Variants in IKZF1 observed in about 807,000 individuals in gnomAD.
IKZF1 encodes the protein DNA-binding protein Ikaros.
A neutral mutation model predicts 51.7 loss-of-function variants in IKZF1; 10 were observed. That is an observed-to-expected ratio of 0.19 (90% CI 0.12 to 0.33). The LOEUF (loss-of-function observed/expected upper bound fraction) is 0.33, where lower values mean the gene tolerates loss of function less well. Ranked by LOEUF, IKZF1 falls within the 10% of genes least tolerant of loss-of-function variation. The pLI, the probability that IKZF1 is intolerant of heterozygous loss-of-function variation, is 1.00. For missense variants in IKZF1, 484 were observed against 707.5 expected (o/e 0.68, Z 3.58); for synonymous variants, 280 against 282.3 (o/e 0.99, Z 0.08).
intron 3 of IKZF1, among the ~76,000 whole-genome samples, chr7:50,361,691 C>T (rs1213199677): frequency 6.6e-6 from 1 of 152,202 alleles, no homozygotes; most frequent in East Asian, 1.9e-4. Context: ...TCCTGACCAA[C>T]ATGGTGAAAC....
At chr7:50,399,569 A>C (rs1817589693) in intron 7 of IKZF1, among the ~76,000 whole-genome samples, 1 of 152,194 alleles carries the variant, frequency 6.6e-6, no homozygotes, top group Admixed American at 6.5e-5. Flanking sequence ...CAAATACACT[A>C]TTTAAAATAT....
chr7:50,392,768 AAT>A (rs948945614), intron 7 of IKZF1, among the ~76,000 whole-genome samples: 105 of 152,328 alleles, frequency 6.9e-4, no homozygotes, highest in African/African-American at 2.4e-3. Flanking sequence ...TTGGAAGAGG[AAT>A]AGAGTTTCAG....
intron 3 of IKZF1, chr7:50,368,732 A>G: frequency 4.0e-6 from 1 of 250,548 alleles, no homozygotes; most frequent in Non-Finnish European, 7.7e-6. Context: ...TACTTTAAAG[A>G]ACAGAGAGTG....
At chr7:50,335,736 G>A (rs1243831272) in intron 3 of IKZF1, among the ~76,000 whole-genome samples, 5 of 151,574 alleles carry the variant, frequency 3.3e-5, no homozygotes, top group East Asian at 1.9e-4. Flanking sequence ...TATGGGATGT[G>A]TGGTGTGTAT....
chr7:50,393,279 A>C (rs552831489), intron 7 of IKZF1, among the ~76,000 whole-genome samples: 1 of 152,240 alleles, frequency 6.6e-6, no homozygotes, highest in South Asian at 2.1e-4. Flanking sequence ...AGGTTCTAGG[A>C]AAAGATGGGG....
intron 3 of IKZF1, among the ~76,000 whole-genome samples, chr7:50,373,554 G>A (rs10265042): frequency 0.19 from 29,239 of 152,042 alleles, 3,091 homozygotes; most frequent in African/African-American, 0.27. Context: ...CTACACCTTC[G>A]CTATAGCCCT....
In IKZF1 at chr7:50,380,640, C is replaced by T. The variant is rs1197468859; in HGVS notation, c.422-1900C>T. Among the ~76,000 whole-genome samples the T allele has an allele frequency of 3.3e-5, 5 of 152,236 alleles. 1 individual carries two copies. The highest frequency in any genetic ancestry group is 7.3e-5 in the Non-Finnish European group (5 of 68,044). ...ACATGAGCTTTCTCCTGAGAGGCCA[C>T]CCTGTCCAAATGAGAGCTGTAGTTG... is the stretch of plus-strand genomic sequence containing the variant. On this transcript the variant is annotated intron_variant, in intron 4 of 7. Transcript: ENST00000331340.
Position 50,400,325 on chromosome 7 carries a change from CCG to C in IKZF1, c.1260_1261del (p.His421ArgfsTer67), listed in dbSNP as rs1316879434. 2.5e-6 allele frequency: 4 copies of C among 1,613,046 alleles called. No homozygotes were observed. Among genetic ancestry groups the C allele is most frequent in the Non-Finnish European group, 3.4e-6 (4 of 1,179,720 alleles). ...GLIYLTNHIA[P>X]HARNGLSLKE... is the part of the protein sequence containing the mutation. ...CATCTACCTGACCAACCACATCGCC[CCG>C]CACGCGCGCAACGGGCTGTCGCTCA... is the stretch of plus-strand genomic sequence containing the variant. On this transcript the variant is annotated frameshift_variant, in exon 8 of 8. Coordinates refer to ENST00000331340, the MANE Select transcript of IKZF1 (RefSeq NM_006060.6). LOFTEE classifies it high-confidence loss of function. The surrounding 1 kb of genome is among the most constrained non-coding windows in gnomAD (Gnocchi z 5.4).
intron 4 of IKZF1, among the ~76,000 whole-genome samples, chr7:50,380,477 A>T (rs1214323798): frequency 6.6e-6 from 1 of 151,542 alleles, no homozygotes; most frequent in Non-Finnish European, 1.5e-5. Flanking sequence ...GAGACATGGG[A>T]CTCCAGCACC....
intron 3 of IKZF1, among the ~76,000 whole-genome samples, chr7:50,359,592 T>C (rs575868012): frequency 2.0e-5 from 3 of 152,364 alleles, no homozygotes; most frequent in East Asian, 3.9e-4. Flanking sequence ...GCTGCCTTTT[T>C]AAATATATGT....
At chr7:50,387,540 T>A in intron 6 of IKZF1, 70 bp downstream of exon 6, 1 of 1,520,892 alleles carries the variant, frequency 6.6e-7, no homozygotes. Flanking sequence ...GAGGGCGCTC[T>A]GCATGCAGCC....
intron 1 of IKZF1, among the ~76,000 whole-genome samples, chr7:50,309,993 T>C (rs1380930039): frequency 6.6e-6 from 1 of 152,316 alleles, no homozygotes; most frequent in Non-Finnish European, 1.5e-5. Flanking sequence ...TTCCTCCTCC[T>C]TTGTGCTGAG....
rs76642098 is a variant in IKZF1 at position 50,385,413 on chromosome 7, G to A, written c.590-1932G>A. Among the ~76,000 whole-genome samples, 19 of 152,332 alleles carry A rather than the reference G, an allele frequency of 1.2e-4. No individual in the cohort carries two copies. The East Asian group carries it at 3.3e-3, about 26-fold the overall frequency. ...AACTGGTGGTGGCCTGAGGTCTTATGAACTAGCATGTTAGCAGGGATAGAG... is the reference window on the plus strand; with the variant it reads ...AACTGGTGGTGGCCTGAGGTCTTATAAACTAGCATGTTAGCAGGGATAGAG... On this transcript the variant is annotated intron_variant, in intron 5 of 7. Transcript: ENST00000331340.
intron 3 of IKZF1, among the ~76,000 whole-genome samples, chr7:50,344,686 C>T (rs1019288740): frequency 1.3e-5 from 2 of 152,236 alleles, no homozygotes; most frequent in East Asian, 1.9e-4. Context: ...AATTGCTTCA[C>T]GATCACATAA....
At chr7:50,310,837 T>G (rs1789992034) in intron 1 of IKZF1, among the ~76,000 whole-genome samples, 1 of 152,192 alleles carries the variant, frequency 6.6e-6, no homozygotes, top group Non-Finnish European at 1.5e-5. Flanking sequence ...ACCAAGCCAT[T>G]GATGCTTCTA....
intron 3 of IKZF1, among the ~76,000 whole-genome samples, chr7:50,353,638 T>C (rs1056156911): frequency 2.0e-5 from 3 of 152,156 alleles, no homozygotes; most frequent in Non-Finnish European, 4.4e-5. Context: ...CCCGAGGCTG[T>C]GAAGAGCCCA....
At chr7:50,353,631 G>A (rs1426228216) in intron 3 of IKZF1, among the ~76,000 whole-genome samples, 3 of 152,190 alleles carry the variant, frequency 2.0e-5, no homozygotes, top group Non-Finnish European at 2.9e-5. Context: ...GTCAGCCCCC[G>A]AGGCTGTGAA....
chr7:50,373,530 C>T lies in IKZF1; in HGVS notation c.161-3003C>T, dbSNP rs528855138. ...CTGCGTGGTGTCCTTTTTCTAGCCTCGGAAGCACTAGGCCTACACCTTCGC... is the reference window on the plus strand; with the variant it reads ...CTGCGTGGTGTCCTTTTTCTAGCCTTGGAAGCACTAGGCCTACACCTTCGC... On this transcript the variant is annotated intron_variant, in intron 3 of 7. Transcript: ENST00000331340. Among the ~76,000 whole-genome samples the T allele has an allele frequency of 1.2e-4, 18 of 152,302 alleles. No individual in the cohort carries two copies. In the East Asian group the frequency reaches 2.5e-3, roughly 21 times the overall value.
At chr7:50,336,091 T>C (rs1459442953) in intron 3 of IKZF1, among the ~76,000 whole-genome samples, 1 of 152,220 alleles carries the variant, frequency 6.6e-6, no homozygotes, top group South Asian at 2.1e-4. Context: ...GGGAGAAGCA[T>C]TGACACACTG....
Sources: gnomAD v4.1 joint callset for allele counts (sites outside exome capture counted in the v4.1 genomes callset) on GRCh38, gnomAD v4.1.1 for gene constraint, Gnocchi (gnomAD v3.1) non-coding constraint, MANE v1.5 for transcripts, NCBI Gene and HGNC (gene_info 2026-07-23, HGNC 2026-07-21) for gene names.